KIF18A: variants seen among roughly 807,000 people sequenced by gnomAD.
KIF18A encodes the protein kinesin family member 18A.
In KIF18A, 67 loss-of-function variants were observed where a neutral mutation model predicts 103.3. The observed-to-expected ratio is 0.65, with a 90% CI of 0.53 to 0.79. The LOEUF is 0.79. KIF18A is among the 30% of genes least tolerant of loss of function. The pLI is 0.00. For missense variants in KIF18A, 1,032 were observed against 1,062.5 expected (o/e 0.97, Z 0.40); for synonymous variants, 367 against 355.5 (o/e 1.03, Z -0.36).
At chr11:28,053,515 T>C (rs1334285737) in intron 13 of KIF18A, among the ~76,000 whole-genome samples, 1 of 152,104 alleles carries the variant, frequency 6.6e-6, no homozygotes, top group South Asian at 2.1e-4. Context: ...ATTTATTTTT[T>C]AATTATACTT....
In KIF18A at chr11:28,021,269, G is replaced by T; in HGVS notation, c.2628C>A (p.Asn876Lys). 1 of 1,472,286 alleles carries T rather than the reference G, an allele frequency of 6.8e-7. No homozygotes were observed. Among genetic ancestry groups the T allele is most frequent in the Non-Finnish European group, 9.1e-7 (1 of 1,102,478 alleles). The allele number at this position is 1,472,286 out of a possible 1,614,324, so 91.2% of individuals were successfully genotyped here. The stretch of plus-strand genomic sequence containing the variant: ...CCATGCTTGGATTTATTTTACAGAT[G>T]TTTCTTTTATGTTCTAGAGAAGAAA... Reference protein sequence around the residue: ...ENKPTMEHKRNICKINPSMVR... With the variant: ...ENKPTMEHKRKICKINPSMVR... The change falls in exon 17 of 17, where the codon AAC becomes AAA. Residue 876 changes from asparagine (N) to lysine (K), a missense_variant. By Grantham distance (94) the Asn-to-Lys change is moderately conservative. Coordinates refer to ENST00000263181, the MANE Select transcript of KIF18A (RefSeq NM_031217.4).
chr11:28,099,956 C>G (rs1851425014), intron 1 of KIF18A, among the ~76,000 whole-genome samples: 1 of 152,076 alleles, frequency 6.6e-6, no homozygotes, highest in Non-Finnish European at 1.5e-5. Flanking sequence ...ACAACTCTGT[C>G]AGCTCAGAAT....
chr11:28,082,926 T>C lies in KIF18A; in HGVS notation c.1192A>G (p.Lys398Glu). ...KEKLKAYEEQ[K>E]AFTNENDQAK... ...TGGTCATTTTCATTAGTGAAGGCTTTCTGTTCTTCATAGGCTTTTAGTTTT... is the reference window on the plus strand; with the variant it reads ...TGGTCATTTTCATTAGTGAAGGCTTCCTGTTCTTCATAGGCTTTTAGTTTT... The change falls in exon 9 of 17, where the codon AAA becomes GAA. Residue 398 changes from lysine to glutamate, a missense_variant. Transcript: ENST00000263181. 1.2e-6 allele frequency: 2 copies of C among 1,604,850 alleles called. No individual in the cohort carries two copies. The highest frequency in any genetic ancestry group is 1.7e-6 in the Non-Finnish European group (2 of 1,174,682).
At chr11:28,039,498 C>T (rs1367333262) in intron 13 of KIF18A, among the ~76,000 whole-genome samples, 1 of 151,712 alleles carries the variant, frequency 6.6e-6, no homozygotes, top group Non-Finnish European at 1.5e-5. Flanking sequence ...TTTTAAAATA[C>T]ATACTTAGCA....
intron 1 of KIF18A, among the ~76,000 whole-genome samples, chr11:28,100,354 GAAGGAGGA>G (rs1851429152): frequency 1.3e-5 from 2 of 152,186 alleles, no homozygotes; most frequent in Admixed American, 6.5e-5. Flanking sequence ...AATCCTAAAT[GAAGGAGGA>G]AACAGCGATC....
intron 13 of KIF18A, among the ~76,000 whole-genome samples, chr11:28,058,516 C>G (rs1007145754): frequency 1.7e-5 from 2 of 117,526 alleles, no homozygotes. Flanking sequence ...AAAAAAAAAG[C>G]CAGGAGTGGT....
chr11:28,071,544 T>TTTAA lies in KIF18A; in HGVS notation c.1426-2122_1426-2121insTTAA, dbSNP rs745765048. Among the ~76,000 whole-genome samples, 4 of 150,244 alleles carry TTTAA rather than the reference T, an allele frequency of 2.7e-5. No homozygotes were observed. In the South Asian group the frequency reaches 6.2e-4, roughly 23 times the overall value. ...ACAATTAAGCTATTATTTAATATTATTTATTTTAAAATGAATCAATGCATA... is the reference window on the plus strand; with the variant it reads ...ACAATTAAGCTATTATTTAATATTATTTAATTATTTTAAAATGAATCAATGCATA... On this transcript the variant is annotated intron_variant, in intron 10 of 16. Coordinates refer to ENST00000263181, the MANE Select transcript of KIF18A (RefSeq NM_031217.4).
chr11:28,084,503 A>G (rs1424882055), intron 7 of KIF18A, 129 bp downstream of exon 7: 2 of 589,688 alleles, frequency 3.4e-6, no homozygotes, highest in Non-Finnish European at 5.7e-6. Context: ...AGGTTAGCAA[A>G]GACCCTTCTA....
chr11:28,038,473 C>T (rs374226410), intron 13 of KIF18A, among the ~76,000 whole-genome samples: 7 of 151,702 alleles, frequency 4.6e-5, no homozygotes, highest in African/African-American at 1.4e-4. Flanking sequence ...CGTGTATTTC[C>T]ATTCACGTTG....
At chr11:28,090,189 C>A (rs1590707214) in intron 5 of KIF18A, among the ~76,000 whole-genome samples, 2 of 152,098 alleles carry the variant, frequency 1.3e-5, no homozygotes, top group Non-Finnish European at 2.9e-5. Flanking sequence ...ACTTACTGTG[C>A]CAACTGAATC....
At chr11:28,042,000 A>G (rs2133502132) in intron 13 of KIF18A, among the ~76,000 whole-genome samples, 1 of 151,358 alleles carries the variant, frequency 6.6e-6, no homozygotes, top group South Asian at 2.1e-4. Context: ...CCTGTCCTCT[A>G]TTCAGGAGTT....
chr11:28,092,579 C>A (rs751463243), intron 3 of KIF18A, among the ~76,000 whole-genome samples: 5 of 152,012 alleles, frequency 3.3e-5, no homozygotes, highest in Non-Finnish European at 7.4e-5. Flanking sequence ...GTACTAGTGA[C>A]CCGATTTTAT....
intron 1 of KIF18A, among the ~76,000 whole-genome samples, chr11:28,100,238 A>G (rs1156545136): frequency 6.6e-6 from 1 of 152,064 alleles, no homozygotes; most frequent in Non-Finnish European, 1.5e-5. Flanking sequence ...CAGAGTTTTG[A>G]CAGACATCCA....
rs565104949 is a variant in KIF18A, at chr11:28,025,684, C to T, written c.2505-1834G>A. Reference sequence around the variant, plus strand: ...AATAGTCCACTGATGAAATGTTTAACATTTATGTTGTAGGTCATAAACTAC... The same window carrying T: ...AATAGTCCACTGATGAAATGTTTAATATTTATGTTGTAGGTCATAAACTAC... On this transcript the variant is annotated intron_variant, in intron 15 of 16. Coordinates refer to ENST00000263181, the MANE Select transcript of KIF18A (RefSeq NM_031217.4). Among the ~76,000 whole-genome samples, 5 of 152,028 alleles carry T rather than the reference C, an allele frequency of 3.3e-5. No individual in the cohort carries two copies. The South Asian group carries it at 6.2e-4, about 19-fold the overall frequency.
chr11:28,044,980 AT>A lies in KIF18A; in HGVS notation c.1949-8317del, dbSNP rs1262597867. 2.0e-5 allele frequency among the ~76,000 whole-genome samples: 3 copies of A among 152,272 alleles called. 1 individual carries two copies. In the East Asian group the frequency reaches 5.8e-4, roughly 29 times the overall value. On this transcript the variant is annotated intron_variant, in intron 13 of 16. Transcript: ENST00000263181. ...CATTTGCTAAGTGGTTATAAAAATT[AT>A]AAATAAATATTTGGTGAGTGGTTAA...
In KIF18A at chr11:28,036,465, A is replaced by AT; in HGVS notation, c.2147dup (p.Asn716LysfsTer27). 6.2e-7 allele frequency: 1 copy of AT among 1,611,180 alleles called. No homozygotes were observed. Among genetic ancestry groups the AT allele is most frequent in the Non-Finnish European group, 8.5e-7 (1 of 1,178,146 alleles). ...GTTTCATTAAGGTTACTGTAGACGG[A>AT]TTTTGAAAAGCTTTTCTACAGTCTT... On this transcript the variant is annotated frameshift_variant, in exon 14 of 17. Coordinates refer to ENST00000263181, the MANE Select transcript of KIF18A (RefSeq NM_031217.4). LOFTEE classifies it high-confidence loss of function.
chr11:28,044,736 T>C (rs1850607760), intron 13 of KIF18A, among the ~76,000 whole-genome samples: 4 of 152,092 alleles, frequency 2.6e-5, no homozygotes. Flanking sequence ...AAATTAACTG[T>C]AAATGCATGC....
At chr11:28,093,865 A>C (rs548831583) in intron 3 of KIF18A, among the ~76,000 whole-genome samples, 11 of 152,308 alleles carry the variant, frequency 7.2e-5, no homozygotes, top group African/African-American at 2.6e-4. Flanking sequence ...AAGTTTGAGG[A>C]GTAAGGAATA....
chr11:28,086,679 T>C (rs1018870152), intron 6 of KIF18A, among the ~76,000 whole-genome samples: 2 of 152,212 alleles, frequency 1.3e-5, no homozygotes, highest in African/African-American at 4.8e-5. Flanking sequence ...TCAGTAGCAA[T>C]GTGCTTCCAC....
Sources: allele counts gnomAD v4.1 joint callset (sites outside exome capture counted in the v4.1 genomes callset), GRCh38; gene constraint gnomAD v4.1.1; transcripts MANE v1.5; gene names NCBI Gene and HGNC (gene_info 2026-07-23, HGNC 2026-07-21).